APEH: variants seen among roughly 807,000 people sequenced by gnomAD.
APEH encodes the protein acylaminoacyl-peptide hydrolase.
A neutral mutation model predicts 102.7 loss-of-function variants in APEH; 75 were observed. The observed-to-expected ratio is 0.73, with a 90% confidence interval of 0.61 to 0.89. APEH has a LOEUF of 0.89. APEH is among the 40% of genes least tolerant of loss of function. The pLI, the probability that APEH is intolerant of heterozygous loss-of-function variation, is 0.00. For synonymous variants in APEH, 344 were observed against 362.7 expected, an observed-to-expected ratio of 0.95 and a Z score of 0.59; for missense variants, 863 against 941.2, an observed-to-expected ratio of 0.92 and a Z score of 1.09.
At chr3:49,681,691 C>T (rs946421653) in intron 15 of APEH, 31 bp from the exon 16 acceptor site, 13 of 1,521,228 alleles carry the variant, frequency 8.5e-6, no homozygotes, top group Non-Finnish European at 1.2e-5. Context: ...CCCCTAGGCT[C>T]ACCCTGCTGA....
At chr3:49,675,650 G>A in intron 3 of APEH, 44 bp from the exon 4 acceptor site, 1 of 1,547,258 alleles carries the variant, frequency 6.5e-7, no homozygotes, top group Non-Finnish European at 8.9e-7. Flanking sequence ...GCAGGAAGGG[G>A]TTATTGCAAG....
intron 17 of APEH, 95 bp downstream of exon 17, chr3:49,682,062 T>C: frequency 2.2e-6 from 3 of 1,363,922 alleles, no homozygotes; most frequent in Non-Finnish European, 3.1e-6. Context: ...CACTCTAGTC[T>C]CCAGGACTTT....
At chr3:49,681,266 G>A in intron 15 of APEH, 27 bp downstream of exon 15, 1 of 1,518,160 alleles carries the variant, frequency 6.6e-7, no homozygotes, top group Non-Finnish European at 8.8e-7. Flanking sequence ...GCAGAGGGAT[G>A]CCTTCTCCAG....
At chr3:49,683,019 C>T (rs745883290) in intron 20 of APEH, 21 bp from the exon 21 acceptor site, 1 of 1,612,442 alleles carries the variant, frequency 6.2e-7, no homozygotes, top group Admixed American at 1.7e-5. Flanking sequence ...CACAGCTCCC[C>T]ACTCTTCCCC....
intron 3 of APEH, 152 bp from the exon 4 acceptor site, chr3:49,675,542 C>T: frequency 1.0e-6 from 1 of 974,268 alleles, no homozygotes; most frequent in Non-Finnish European, 1.6e-6. Context: ...GAGTCTCTGC[C>T]TCAGGGAGGA....
At chr3:49,673,221 G>C (rs2052856410), upstream of APEH, among the ~76,000 whole-genome samples, 1 of 150,642 alleles carries the variant, frequency 6.6e-6, no homozygotes, top group Non-Finnish European at 1.5e-5. Flanking sequence ...GGAGCAGGGA[G>C]CCAGGGCCCT....
intron 19 of APEH, 48 bp from the exon 20 acceptor site, chr3:49,682,795 C>A (rs1377490007): frequency 1.9e-6 from 3 of 1,613,330 alleles, no homozygotes; most frequent in Non-Finnish European, 2.5e-6. Flanking sequence ...CTCATGGAGC[C>A]CCGTAGCCCC....
chr3:49,678,261 TTC>T (rs1407416705), intron 11 of APEH, among the ~76,000 whole-genome samples: 1 of 152,146 alleles, frequency 6.6e-6, no homozygotes, highest in African/African-American at 2.4e-5. Flanking sequence ...CCTCTTTGTC[TTC>T]TCTTTGGGTT....
Position 49,679,563 on chromosome 3 carries a change from G to T in APEH, c.1159-30G>T. 1.9e-6 allele frequency: 3 copies of T among 1,612,974 alleles called. No homozygotes were observed. The highest frequency in any genetic ancestry group is 2.5e-6 in the Non-Finnish European group (3 of 1,179,078). Reference sequence around the variant, plus strand: ...GGTAGAGGGAGTACTCTTGGATGTGGTCGCACCTGTGGCCTTGCCTCTGCT... The same window carrying T: ...GGTAGAGGGAGTACTCTTGGATGTGTTCGCACCTGTGGCCTTGCCTCTGCT... On this transcript the variant is annotated intron_variant, in intron 12 of 21. Coordinates refer to ENST00000296456, the MANE Select transcript of APEH (RefSeq NM_001640.4). This position sits in a 1 kb window ranked among gnomAD's most constrained non-coding sequence, Gnocchi z 4.3.
In APEH at chr3:49,679,109, G is replaced by A. The variant is rs1283576282; in HGVS notation, c.1158+160G>A. ...ATCCTGGACTCATTTCTCCTGGAGGGGACTGGCTGCCCTGGTGCACCACAG... is the reference window on the plus strand; with the variant it reads ...ATCCTGGACTCATTTCTCCTGGAGGAGACTGGCTGCCCTGGTGCACCACAG... On this transcript the variant is annotated intron_variant, in intron 12 of 21. Coordinates refer to ENST00000296456, the MANE Select transcript of APEH (RefSeq NM_001640.4). The surrounding 1 kb of genome is among the most constrained non-coding windows in gnomAD (Gnocchi z 4.3). 6.6e-6 allele frequency among the ~76,000 whole-genome samples: 1 copy of A among 152,102 alleles called. No homozygotes were observed. The highest frequency in any genetic ancestry group is 1.9e-4 in the East Asian group (1 of 5,180).
At position 49,679,846 on chromosome 3, in the gene APEH, C is replaced by T. The variant is rs569031441; in HGVS notation, c.1210+202C>T. The T allele has an allele frequency of 1.9e-4, 107 of 555,840 alleles. 1 individual carries two copies. The highest frequency in any genetic ancestry group is 4.7e-4 in the South Asian group (24 of 51,284). 34.4% of individuals were successfully genotyped at this position (555,840 alleles called of 1,614,324 possible). On this transcript the variant is annotated intron_variant, in intron 13 of 21. Transcript: ENST00000296456. This position sits in a 1 kb window ranked among gnomAD's most constrained non-coding sequence, Gnocchi z 4.3. The stretch of plus-strand genomic sequence containing the variant: ...TTACCCAACCAACAGACTAGCTTCC[C>T]TGCTCTACTGCCCTTTAGCACTCAA...
At position 49,683,934 on chromosome 3, in the gene APEH, TAAG is replaced by T; in HGVS notation, c.*596_*598del. ...TGACACATTTCCTGGAAGCAAAGGC[TAAG>T]AAGCATCTGTACAGGCATAAAGAGG... On this transcript the variant is annotated 3_prime_UTR_variant, in exon 22 of 22. Coordinates refer to ENST00000296456, the MANE Select transcript of APEH (RefSeq NM_001640.4). The T allele has an allele frequency of 3.3e-6, 5 of 1,527,660 alleles. No individual in the cohort carries two copies. The highest frequency in any genetic ancestry group is 4.4e-6 in the Non-Finnish European group (5 of 1,137,972). The allele number at this position is 1,527,660 out of a possible 1,614,324, so 94.6% of individuals were successfully genotyped here. A position where few individuals can be genotyped will look rare whatever the true frequency, so the allele number is the denominator to read the frequency against.
In APEH at chr3:49,679,613, C is replaced by G; in HGVS notation, c.1179C>G (p.Thr393=). Residue 393 remains threonine, a synonymous_variant, in exon 13 of 22, where the codon ACC becomes ACG. Coordinates refer to ENST00000296456, the MANE Select transcript of APEH (RefSeq NM_001640.4). This position sits in a 1 kb window ranked among gnomAD's most constrained non-coding sequence, Gnocchi z 4.3. ...TTCAGGACCTGTTTGCTGTGGACACCCAAGTGGGCACTGTGACCTCCCTCA... is the reference window on the plus strand; with the variant it reads ...TTCAGGACCTGTTTGCTGTGGACACGCAAGTGGGCACTGTGACCTCCCTCA... ...RSRQDLFAVD[T]QVGTVTSLTA... 6.2e-7 allele frequency: 1 copy of G among 1,613,892 alleles called. No homozygotes were observed. Among genetic ancestry groups the G allele is most frequent in the Non-Finnish European group, 8.5e-7 (1 of 1,179,854 alleles).
Position 49,682,722 on chromosome 3 carries a change from T to G in APEH, c.1869T>G (p.Thr623=). Residue 623 remains threonine (T), a synonymous_variant, in exon 19 of 22, where the codon ACT becomes ACG. Coordinates refer to ENST00000296456, the MANE Select transcript of APEH (RefSeq NM_001640.4). ...ACATCGCCTCCATGTTGGGCTCCAC[T>G]GACATCCCTGACTGGTAGGCATACA... ...VINIASMLGS[T]DIPDWCVVEA... 1 of 1,613,926 alleles carries G rather than the reference T, an allele frequency of 6.2e-7. No homozygotes were observed. The highest frequency in any genetic ancestry group is 8.5e-7 in the Non-Finnish European group (1 of 1,179,978).
In APEH at chr3:49,675,689, C is replaced by T; in HGVS notation, c.273-5C>T. ...ATCCTGACCTGTGCTACCCCATGTC[C>T]ACAGACTGCTGAGCAGAGAGTCTCC... On this transcript the variant is annotated splice_region_variant and splice_polypyrimidine_tract_variant and intron_variant, in intron 3 of 21. Transcript: ENST00000296456. 1 of 1,613,072 alleles carries T rather than the reference C, an allele frequency of 6.2e-7. No homozygotes were observed. Among genetic ancestry groups the T allele is most frequent in the Non-Finnish European group, 8.5e-7 (1 of 1,179,278 alleles).
In APEH at chr3:49,683,667, C is replaced by T; in HGVS notation, c.*325C>T. On this transcript the variant is annotated 3_prime_UTR_variant, in exon 22 of 22. Transcript: ENST00000296456. ...GAGGCTTAGCCTCTGCCTGTCCTGGCAACCAGGACTCTGTACCAGCCTAGC... is the reference window on the plus strand; with the variant it reads ...GAGGCTTAGCCTCTGCCTGTCCTGGTAACCAGGACTCTGTACCAGCCTAGC... 1 of 463,282 alleles carries T rather than the reference C, an allele frequency of 2.2e-6. No homozygotes were observed. The highest frequency in any genetic ancestry group is 3.9e-6 in the Non-Finnish European group (1 of 253,784). The allele number at this position is 463,282 out of a possible 1,614,324, so 28.7% of individuals were successfully genotyped here.
rs200387851 is a variant in APEH, at chr3:49,681,819, G to T, written c.1522+14G>T. On this transcript the variant is annotated intron_variant, in intron 16 of 21. Transcript: ENST00000296456. ...TCATGCCCCACGGTAGGCATCTGGC[G>T]TTAAGAGCCCTTGCCCTCCCAGCCC... The T allele has an allele frequency of 6.2e-7, 1 of 1,611,216 alleles. No homozygotes were observed. Among genetic ancestry groups the T allele is most frequent in the African/African-American group, 1.3e-5 (1 of 75,008 alleles).
chr3:49,673,792 A>AACCCTC (rs1559626240), upstream of APEH, among the ~76,000 whole-genome samples: 5 of 103,730 alleles, frequency 4.8e-5, no homozygotes, highest in East Asian at 2.8e-4. Flanking sequence ...CGCCCCGCCC[A>AACCCTC]ACCCTCACCC....
Position 49,677,564 on chromosome 3 carries a change from C to G in APEH, c.1000-9C>G. 3.1e-6 allele frequency: 5 copies of G among 1,612,724 alleles called. No individual in the cohort carries two copies. The African/African-American group carries it at 6.7e-5, about 21-fold the overall frequency. ...CCCTACTGGACCTGACCATTGTGTTCTCTTGCAGTATGACTGGTATACCAA... is the reference window on the plus strand; with the variant it reads ...CCCTACTGGACCTGACCATTGTGTTGTCTTGCAGTATGACTGGTATACCAA... On this transcript the variant is annotated splice_polypyrimidine_tract_variant and intron_variant, in intron 10 of 21. Coordinates refer to ENST00000296456, the MANE Select transcript of APEH (RefSeq NM_001640.4).
Sources: gnomAD v4.1 joint callset for allele counts (sites outside exome capture counted in the v4.1 genomes callset) on GRCh38, gnomAD v4.1.1 for gene constraint, Gnocchi (gnomAD v3.1) non-coding constraint, MANE v1.5 for transcripts, NCBI Gene and HGNC (gene_info 2026-07-23, HGNC 2026-07-21) for gene names.